Variants in GRAMD2B observed in about 807,000 individuals in gnomAD.
GRAMD2B encodes the protein GRAM domain containing 2B, also known as GRAM domain-containing protein 2B.
GRAMD2B carries 41 observed loss-of-function variants against 59.2 expected under a neutral mutation model. The observed-to-expected ratio is 0.69, with a 90% CI of 0.54 to 0.90. The LOEUF is 0.90. GRAMD2B is among the 40% of genes least tolerant of loss of function. The pLI is 0.00. For synonymous variants in GRAMD2B, 161 were observed against 182.7 expected, an observed-to-expected ratio of 0.88 and a Z score of 0.96; for missense variants, 424 against 500.5, an observed-to-expected ratio of 0.85 and a Z score of 1.46.
At chr5:126,484,139 T>C (rs1772418417) in intron 9 of GRAMD2B, among the ~76,000 whole-genome samples, 1 of 152,230 alleles carries the variant, frequency 6.6e-6, no homozygotes, top group Admixed American at 6.5e-5. Context: ...TTTTCTTCCC[T>C]CTTATTTCAA....
At chr5:126,485,577 T>A in intron 10 of GRAMD2B, 109 bp from the exon 11 acceptor site, 1 of 627,478 alleles carries the variant, frequency 1.6e-6, no homozygotes, top group South Asian at 2.1e-5. Context: ...TTCTCTGATT[T>A]CTTTTACCTG....
At chr5:126,374,888 G>C (rs1755052463) in intron 1 of GRAMD2B, among the ~76,000 whole-genome samples, 3 of 152,276 alleles carry the variant, frequency 2.0e-5, no homozygotes, top group South Asian at 2.1e-4. Flanking sequence ...ACCCAGTTCA[G>C]AAGTGTTTCA....
At chr5:126,385,962 A>C (rs557686686) in intron 1 of GRAMD2B, among the ~76,000 whole-genome samples, 1 of 152,314 alleles carries the variant, frequency 6.6e-6, no homozygotes, top group East Asian at 1.9e-4. Context: ...CTGAAAGAAC[A>C]CTGGGTCTCT....
Position 126,465,488 on chromosome 5 carries a change from C to T in GRAMD2B, c.146C>T (p.Ser49Phe), listed in dbSNP as rs1768154450. The T allele has an allele frequency of 6.2e-7, 1 of 1,614,154 alleles. No individual in the cohort carries two copies. The highest frequency in any genetic ancestry group is 8.5e-7 in the Non-Finnish European group (1 of 1,180,016). Residue 49 changes from serine (S) to phenylalanine (F), a missense_variant, in exon 2 of 14, where the codon TCC becomes TTC. Coordinates refer to ENST00000285689, the MANE Select transcript of GRAMD2B (RefSeq NM_023927.4). ...KKACRSPTAQ[S>F]PTPSVEADSP... ...GCCTGCAGGTCGCCAACAGCCCAAT[C>T]CCCTACCCCATCTGTGGAGGCGGAC...
rs567454088 is a variant in GRAMD2B, at chr5:126,423,954, G to A, written c.83+265G>A. On this transcript the variant is annotated intron_variant, in intron 1 of 13. Transcript: ENST00000285689. ...CACTGGATGTTGGGAAAATAATTTT[G>A]TAGAAAATAAGCCTAACCACATTGA... Among the ~76,000 whole-genome samples the A allele has an allele frequency of 2.6e-5, 4 of 152,296 alleles. 1 individual carries two copies. Among genetic ancestry groups the A allele is most frequent in the Admixed American group, 2.6e-4 (4 of 15,306 alleles).
intron 1 of GRAMD2B, among the ~76,000 whole-genome samples, chr5:126,464,800 G>A (rs866884123): frequency 1.3e-5 from 2 of 152,144 alleles, no homozygotes; most frequent in African/African-American, 4.8e-5. Context: ...GAACACAAAG[G>A]TTTTGCAGAC....
intron 3 of GRAMD2B, 30 bp downstream of exon 3, chr5:126,469,818 T>C: frequency 6.6e-7 from 1 of 1,522,330 alleles, no homozygotes; most frequent in Non-Finnish European, 9.1e-7. Flanking sequence ...TGTATTGTCT[T>C]AGAGGGTGAC....
intron 1 of GRAMD2B, among the ~76,000 whole-genome samples, chr5:126,460,256 CCTTTGTGGAGA>C (rs1468455887): frequency 2.0e-5 from 3 of 152,044 alleles, no homozygotes; most frequent in African/African-American, 7.2e-5. Context: ...AGAGTAGGTG[CCTTTGTGGAGA>C]GAAACTGGGT....
At chr5:126,390,375 T>A (rs932124540) in intron 1 of GRAMD2B, among the ~76,000 whole-genome samples, 1 of 152,368 alleles carries the variant, frequency 6.6e-6, no homozygotes, top group South Asian at 2.1e-4. Flanking sequence ...TATATCCAAC[T>A]GACAGGAAAG....
At chr5:126,368,463 A>G (rs1370218805), upstream of GRAMD2B, among the ~76,000 whole-genome samples, 4 of 152,248 alleles carry the variant, frequency 2.6e-5, no homozygotes, top group African/African-American at 9.6e-5. Context: ...AGCTATAACT[A>G]CTTGCACATT....
intron 1 of GRAMD2B, among the ~76,000 whole-genome samples, chr5:126,424,039 G>A (rs1369610081): frequency 6.6e-6 from 1 of 152,210 alleles, no homozygotes; most frequent in Non-Finnish European, 1.5e-5. Flanking sequence ...ATTCATTTTA[G>A]TTCAGCAAAT....
intron 1 of GRAMD2B, among the ~76,000 whole-genome samples, chr5:126,455,490 T>C (rs1766118274): frequency 6.6e-6 from 1 of 152,180 alleles, no homozygotes; most frequent in Non-Finnish European, 1.5e-5. Flanking sequence ...CATATTGTGC[T>C]TCTGCCTTTC....
chr5:126,423,551 G>T lies in GRAMD2B; in HGVS notation c.-56G>T, dbSNP rs1256087041. 1 of 1,583,140 alleles carries T rather than the reference G, an allele frequency of 6.3e-7. No homozygotes were observed. The highest frequency in any genetic ancestry group is 8.6e-7 in the Non-Finnish European group (1 of 1,166,020). On this transcript the variant is annotated 5_prime_UTR_variant, in exon 1 of 14. Transcript: ENST00000285689. ...CACCCGGACCTAGAAGCCGGGACGA[G>T]CCGGGGCAGAGCCAGGCGCGCGGAA...
chr5:126,443,440 T>G (rs1318402775), intron 1 of GRAMD2B, among the ~76,000 whole-genome samples: 1 of 152,216 alleles, frequency 6.6e-6, no homozygotes, highest in Non-Finnish European at 1.5e-5. Context: ...TGTTTCAGTC[T>G]GTGTATTTCT....
rs1207354241 is a variant in GRAMD2B at position 126,465,541 on chromosome 5, C to A, written c.199C>A (p.Leu67Ile). 1 of 1,613,516 alleles carries A rather than the reference C, an allele frequency of 6.2e-7. No individual in the cohort carries two copies. Among genetic ancestry groups the A allele is most frequent in the East Asian group, 2.2e-5 (1 of 44,886 alleles). Residue 67 changes from leucine (L) to isoleucine (I), a missense_variant, in exon 2 of 14, where the codon CTA becomes ATA. Leu to Ile is a conservative substitution (Grantham distance 5). Coordinates refer to ENST00000285689, the MANE Select transcript of GRAMD2B (RefSeq NM_023927.4). ...CCCAGACCAGAAGAAAATCATTAGC[C>A]TATGGTAAGTCCTCCGTTGACTCTC... The part of the protein sequence containing the change: ...DSPDQKKIIS[L>I]WSKSSFDGAS...
intron 1 of GRAMD2B, among the ~76,000 whole-genome samples, chr5:126,416,489 A>G (rs1167717631): frequency 6.6e-6 from 1 of 152,204 alleles, no homozygotes; most frequent in Non-Finnish European, 1.5e-5. Context: ...AGCATCTAAC[A>G]TGAACTAGAC....
intron 2 of GRAMD2B, among the ~76,000 whole-genome samples, chr5:126,465,869 A>G (rs566634249): frequency 2.0e-5 from 3 of 152,168 alleles, no homozygotes; most frequent in African/African-American, 7.2e-5. Flanking sequence ...TTGGGTGTGC[A>G]CACCTGGTGT....
At chr5:126,446,374 T>C (rs1205387400) in intron 1 of GRAMD2B, among the ~76,000 whole-genome samples, 3 of 152,156 alleles carry the variant, frequency 2.0e-5, no homozygotes, top group Non-Finnish European at 2.9e-5. Flanking sequence ...TTCTATGTTA[T>C]AAAATGTTCA....
At chr5:126,405,869 C>T (rs1399574436) in intron 1 of GRAMD2B, among the ~76,000 whole-genome samples, 2 of 151,814 alleles carry the variant, frequency 1.3e-5, no homozygotes, top group East Asian at 3.9e-4. Flanking sequence ...ACTGATATGG[C>T]CTAGGAGGTT....
Sources: gnomAD v4.1 joint callset for allele counts (sites outside exome capture counted in the v4.1 genomes callset) on GRCh38, gnomAD v4.1.1 for gene constraint, MANE v1.5 for transcripts, NCBI Gene and HGNC (gene_info 2026-07-23, HGNC 2026-07-21) for gene names.